Variants in PPFIA2 observed in about 807,000 individuals in gnomAD.
The protein encoded by PPFIA2 is PPFI scaffold protein A2, also known as liprin-alpha-2.
Under a neutral mutation model 175.5 loss-of-function variants are expected in PPFIA2, and 46 were observed. That is an observed-to-expected ratio of 0.26 (90% CI 0.21 to 0.34). PPFIA2 has a LOEUF of 0.34. Among genes scored for constraint, PPFIA2 ranks in the 10% least tolerant of loss-of-function variants. PPFIA2 has a pLI of 1.00. For missense variants in PPFIA2, 1,179 were observed against 1,506.1 expected (o/e 0.78, Z 3.60); for synonymous variants, 568 against 511.4 (o/e 1.11, Z -1.49).
At chr12:81,559,718 T>C (rs1369852357) in intron 4 of PPFIA2, among the ~76,000 whole-genome samples, 1 of 152,134 alleles carries the variant, frequency 6.6e-6, no homozygotes, top group Non-Finnish European at 1.5e-5. Context: ...TAAACCTCTT[T>C]GAAATTATAA....
At chr12:81,685,224 G>A (rs933262430) in intron 3 of PPFIA2, among the ~76,000 whole-genome samples, 2 of 151,910 alleles carry the variant, frequency 1.3e-5, no homozygotes, top group African/African-American at 2.4e-5. Flanking sequence ...GCTCCTTAAG[G>A]CAAGCATCCA....
intron 3 of PPFIA2, among the ~76,000 whole-genome samples, chr12:81,701,199 G>C (rs1283918793): frequency 6.6e-6 from 1 of 152,128 alleles, no homozygotes; most frequent in Non-Finnish European, 1.5e-5. Flanking sequence ...TTGTTGGAAA[G>C]ATTAAATGAA....
chr12:81,503,121 T>C (rs2060767422), intron 4 of PPFIA2, among the ~76,000 whole-genome samples: 1 of 152,200 alleles, frequency 6.6e-6, no homozygotes, highest in Non-Finnish European at 1.5e-5. Flanking sequence ...TCTTTCTCTC[T>C]GATGAGTCCT....
chr12:81,547,027 TG>T lies in PPFIA2; in HGVS notation c.304-89162del, dbSNP rs551640857. 1.6e-3 allele frequency among the ~76,000 whole-genome samples: 247 copies of T among 152,102 alleles called. 2 individuals carry two copies. The highest frequency in any genetic ancestry group is 5.1e-3 in the African/African-American group (212 of 41,490). ...TGAGAAGCGTGGCAGATGCTAGGGG[TG>T]GGCGTACTGGAAGGGAAAAGAAAAT... On this transcript the variant is annotated intron_variant, in intron 4 of 32. Coordinates refer to ENST00000549396, the MANE Select transcript of PPFIA2 (RefSeq NM_003625.5).
chr12:81,582,745 C>G (rs922632498), intron 4 of PPFIA2, among the ~76,000 whole-genome samples: 4 of 151,722 alleles, frequency 2.6e-5, no homozygotes, highest in Non-Finnish European at 5.9e-5. Context: ...AAAAAATCTT[C>G]AAATTTGTAT....
At chr12:81,374,496 T>G (rs1374723341) in intron 11 of PPFIA2, 138 bp downstream of exon 11, 4 of 879,998 alleles carry the variant, frequency 4.5e-6, no homozygotes, top group African/African-American at 1.7e-5. Context: ...AGAAAAAAAT[T>G]GACTTAATAA....
At chr12:81,283,779 C>T (rs140077168) in intron 25 of PPFIA2, among the ~76,000 whole-genome samples, 1 of 152,116 alleles carries the variant, frequency 6.6e-6, no homozygotes, top group African/African-American at 2.4e-5. Context: ...ACCAAATTAA[C>T]ATAACACTTT....
intron 22 of PPFIA2, among the ~76,000 whole-genome samples, chr12:81,307,428 A>G (rs1388209282): frequency 6.6e-6 from 1 of 152,230 alleles, no homozygotes; most frequent in African/African-American, 2.4e-5. Flanking sequence ...TTTTTAAAGT[A>G]TTCTATATTT....
intron 4 of PPFIA2, among the ~76,000 whole-genome samples, chr12:81,554,429 C>T (rs1450626274): frequency 1.3e-5 from 2 of 152,004 alleles, no homozygotes; most frequent in Admixed American, 6.6e-5. Flanking sequence ...CACTTTTTAA[C>T]TCTGCTCCTA....
rs34030284 is a variant in PPFIA2 at position 81,497,530 on chromosome 12, C to CTTTTTTTT, written c.304-39672_304-39665dup. ...AGTGACATCCCTATTTCATTGATGT[C>CTTTTTTTT]TTTTTTTTTTTTTTTTTTTTTTTTT... On this transcript the variant is annotated intron_variant, in intron 4 of 32. Transcript: ENST00000549396. 1.5e-3 allele frequency among the ~76,000 whole-genome samples: 102 copies of CTTTTTTTT among 66,204 alleles called. 2 individuals carry two copies. Among genetic ancestry groups the CTTTTTTTT allele is most frequent in the African/African-American group, 5.2e-3 (94 of 18,244 alleles). 43.4% of individuals were successfully genotyped at this position (66,204 alleles called of 152,430 possible).
At chr12:81,341,005 C>T (rs1026426790) in intron 20 of PPFIA2, 73 bp downstream of exon 20, 18 of 1,423,404 alleles carry the variant, frequency 1.3e-5, no homozygotes, top group Middle Eastern at 1.8e-4. Context: ...GCAGTCTATT[C>T]GACAACAACG....
intron 3 of PPFIA2, among the ~76,000 whole-genome samples, chr12:81,746,997 T>A (rs2083146241): frequency 7.0e-6 from 1 of 143,748 alleles, no homozygotes; most frequent in African/African-American, 2.4e-5. Flanking sequence ...TCACTAGATT[T>A]GCAAAATATT....
At chr12:81,668,956 GT>G (rs1041085182) in intron 4 of PPFIA2, among the ~76,000 whole-genome samples, 1 of 151,924 alleles carries the variant, frequency 6.6e-6, no homozygotes, top group African/African-American at 2.4e-5. Flanking sequence ...TTTAATTTAT[GT>G]TTATTAAATA....
intron 3 of PPFIA2, among the ~76,000 whole-genome samples, chr12:81,698,842 A>G (rs144252078): frequency 6.2e-4 from 95 of 152,128 alleles, no homozygotes; most frequent in Admixed American, 2.4e-3. Flanking sequence ...CCTTTAAAGT[A>G]GTGGTTTTGA....
chr12:81,362,226 T>C (rs942591305), intron 15 of PPFIA2, among the ~76,000 whole-genome samples: 1 of 151,134 alleles, frequency 6.6e-6, no homozygotes, highest in African/African-American at 2.4e-5. Flanking sequence ...AATAGGTAGA[T>C]GCTAAGTGAC....
chr12:81,567,967 A>C (rs1421590524), intron 4 of PPFIA2, among the ~76,000 whole-genome samples: 1 of 152,312 alleles, frequency 6.6e-6, no homozygotes, highest in Non-Finnish European at 1.5e-5. Context: ...AGTCTTGTGG[A>C]TGCCTGTGTC....
rs145621196 is a variant in PPFIA2 at position 81,655,305 on chromosome 12, GCTA to G, written c.303+21483_303+21485del. 6.8e-3 allele frequency among the ~76,000 whole-genome samples: 1,031 copies of G among 151,358 alleles called. 12 individuals are homozygous for G. The highest frequency in any genetic ancestry group is 0.022 in the African/African-American group (896 of 41,322). ...ATTCCAATATATTTTATTAATTTCTGCTACTAACACCATTATTTTTTTCTATAT... is the reference window on the plus strand; with the variant it reads ...ATTCCAATATATTTTATTAATTTCTGCTAACACCATTATTTTTTTCTATAT... On this transcript the variant is annotated intron_variant, in intron 4 of 32. Transcript: ENST00000549396.
At chr12:81,314,051 TTA>T (rs1410030926) in intron 22 of PPFIA2, among the ~76,000 whole-genome samples, 2 of 151,966 alleles carry the variant, frequency 1.3e-5, no homozygotes, top group African/African-American at 4.8e-5. Flanking sequence ...CTCATAGTTT[TTA>T]TGAGCTTTCT....
In PPFIA2 at chr12:81,436,280, A is replaced by T. The variant is rs1034998007; in HGVS notation, c.645+3692T>A. On this transcript the variant is annotated intron_variant, in intron 7 of 32. Coordinates refer to ENST00000549396, the MANE Select transcript of PPFIA2 (RefSeq NM_003625.5). ...TGGGCAACAGAGTGAGACCCTGTCT[A>T]AAAAAAAAAAAAAAAAAAAAAAAAA... Among the ~76,000 whole-genome samples, 18 of 6,880 alleles carry T rather than the reference A, an allele frequency of 2.6e-3. No individual in the cohort carries two copies. In the East Asian group the frequency reaches 0.046, roughly 17 times the overall value. 4.5% of individuals were successfully genotyped at this position (6,880 alleles called of 152,430 possible).
Sources: allele counts gnomAD v4.1 joint callset (sites outside exome capture counted in the v4.1 genomes callset), GRCh38; gene constraint gnomAD v4.1.1; transcripts MANE v1.5; gene names NCBI Gene and HGNC (gene_info 2026-07-23, HGNC 2026-07-21).